The following GAREM1 variants were observed in gnomAD, a reference collection of about 807,000 sequenced individuals.
The protein encoded by GAREM1 is GRB2 associated regulator of MAPK1 subtype 1.
GAREM1 carries 26 observed loss-of-function variants against 71.3 expected under a neutral mutation model. That is an observed-to-expected ratio of 0.36 (90% CI 0.27 to 0.51). GAREM1 has a LOEUF of 0.51. Among genes scored for constraint, GAREM1 ranks in the 20% least tolerant of loss-of-function variants. The probability of loss-of-function intolerance (pLI) is 0.95; values close to 1 mark genes in which losing one functional copy is unlikely to be tolerated. For synonymous variants in GAREM1, 440 were observed against 433.2 expected, an observed-to-expected ratio of 1.02 and a Z score of -0.20; for missense variants, 1,026 against 1,103.1, an observed-to-expected ratio of 0.93 and a Z score of 0.99.
At chr18:32,408,567 TAGTG>T (rs1037574919) in intron 1 of GAREM1, among the ~76,000 whole-genome samples, 34 of 152,246 alleles carry the variant, frequency 2.2e-4, no homozygotes, top group Admixed American at 1.6e-3. Context: ...TGATATCAAA[TAGTG>T]AGTACAACAG....
At chr18:32,465,955 A>G (rs1178362536) in intron 1 of GAREM1, among the ~76,000 whole-genome samples, 1 of 152,196 alleles carries the variant, frequency 6.6e-6, no homozygotes, top group Non-Finnish European at 1.5e-5. Flanking sequence ...TCTAAGATGC[A>G]TTGCCTGAGG....
chr18:32,431,641 T>A (rs2048626073), intron 1 of GAREM1, among the ~76,000 whole-genome samples: 1 of 151,740 alleles, frequency 6.6e-6, no homozygotes, highest in Admixed American at 6.6e-5. Context: ...AATAAACAAA[T>A]AAATAAAGGA....
intron 3 of GAREM1, among the ~76,000 whole-genome samples, chr18:32,298,013 C>T (rs2047160698): frequency 6.6e-6 from 1 of 152,174 alleles, no homozygotes; most frequent in African/African-American, 2.4e-5. Context: ...ATAATGTCCA[C>T]CAGTTTTTGA....
intron 2 of GAREM1, among the ~76,000 whole-genome samples, chr18:32,366,843 G>A (rs150267057): frequency 6.6e-6 from 1 of 152,328 alleles, no homozygotes; most frequent in Non-Finnish European, 1.5e-5. Context: ...AAAAACCAGT[G>A]GGTGGAATTT....
chr18:32,285,615 T>C (rs2047006386), intron 4 of GAREM1, among the ~76,000 whole-genome samples: 3 of 152,236 alleles, frequency 2.0e-5, no homozygotes, highest in Non-Finnish European at 4.4e-5. Context: ...ATAATCTCCA[T>C]GGAGGCTCCT....
rs1456818672 is a variant in GAREM1 at position 32,267,064 on chromosome 18, C to T, written c.*807G>A. ...TTCTGTCCACTATTCCTAAGAGAAT[C>T]AATGTAGATAACAGTCCCAAAACCT... On this transcript the variant is annotated 3_prime_UTR_variant, in exon 6 of 6. Coordinates refer to ENST00000269209, the MANE Select transcript of GAREM1 (RefSeq NM_001242409.2). The T allele has an allele frequency of 6.6e-6, 1 of 152,138 alleles. No individual in the cohort carries two copies. Among genetic ancestry groups the T allele is most frequent in the African/African-American group, 2.4e-5 (1 of 41,410 alleles). 9.4% of individuals were successfully genotyped at this position (152,138 alleles called of 1,614,324 possible).
At chr18:32,289,072 GTTT>G (rs1276570232) in intron 3 of GAREM1, among the ~76,000 whole-genome samples, 1 of 151,990 alleles carries the variant, frequency 6.6e-6, no homozygotes, top group Admixed American at 6.6e-5. Flanking sequence ...GCATATATTT[GTTT>G]TTTTGTTTTG....
intron 2 of GAREM1, among the ~76,000 whole-genome samples, chr18:32,370,161 G>A (rs1015547404): frequency 6.6e-6 from 1 of 151,990 alleles, no homozygotes; most frequent in East Asian, 1.9e-4. Flanking sequence ...GGCCGGGTGC[G>A]GTGGCTCACG....
At chr18:32,378,884 T>A (rs2048066562) in intron 2 of GAREM1, among the ~76,000 whole-genome samples, 1 of 152,192 alleles carries the variant, frequency 6.6e-6, no homozygotes, top group Admixed American at 6.5e-5. Flanking sequence ...TCCCATCTGC[T>A]GCCAAAGGGT....
intron 3 of GAREM1, among the ~76,000 whole-genome samples, chr18:32,309,615 CA>C (rs11370938): frequency 0.026 from 363 of 13,826 alleles, no homozygotes; most frequent in South Asian, 0.083. Flanking sequence ...GACTCAGTCT[CA>C]AAAAAAAAAA....
At chr18:32,394,770 T>A (rs369076625) in intron 1 of GAREM1, among the ~76,000 whole-genome samples, 53 of 152,264 alleles carry the variant, frequency 3.5e-4, no homozygotes, top group African/African-American at 1.2e-3. Flanking sequence ...ATATGCACAG[T>A]AGGCAGGAAT....
intron 2 of GAREM1, among the ~76,000 whole-genome samples, chr18:32,325,527 T>G (rs1461996112): frequency 6.6e-6 from 1 of 152,152 alleles, no homozygotes; most frequent in Non-Finnish European, 1.5e-5. Context: ...AATCTAAAAC[T>G]GCTCTAAAAA....
intron 2 of GAREM1, among the ~76,000 whole-genome samples, chr18:32,345,457 T>C (rs138215911): frequency 1.3e-5 from 2 of 152,208 alleles, no homozygotes; most frequent in Non-Finnish European, 2.9e-5. Flanking sequence ...AACCTTATGA[T>C]ATAAATTAGA....
intron 2 of GAREM1, among the ~76,000 whole-genome samples, chr18:32,338,748 G>A (rs908284400): frequency 6.6e-6 from 1 of 152,200 alleles, no homozygotes; most frequent in Non-Finnish European, 1.5e-5. Context: ...TCCTGGAGCA[G>A]ACAGGGCAGC....
At chr18:32,444,087 A>C (rs2048765594) in intron 1 of GAREM1, among the ~76,000 whole-genome samples, 1 of 152,082 alleles carries the variant, frequency 6.6e-6, no homozygotes, top group South Asian at 2.1e-4. Flanking sequence ...GACAGAAAAT[A>C]AATTGGCAGC....
At chr18:32,332,799 T>C (rs564767650) in intron 2 of GAREM1, among the ~76,000 whole-genome samples, 7 of 152,224 alleles carry the variant, frequency 4.6e-5, no homozygotes, top group Non-Finnish European at 7.4e-5. Context: ...ATGGAACCTG[T>C]TGTTTCTAAG....
At chr18:32,297,220 C>T (rs1388399542) in intron 3 of GAREM1, among the ~76,000 whole-genome samples, 1 of 152,116 alleles carries the variant, frequency 6.6e-6, no homozygotes, top group Non-Finnish European at 1.5e-5. Context: ...AGAACCATGG[C>T]CTTTGGAAAC....
At chr18:32,295,962 TC>T (rs2047135065) in intron 3 of GAREM1, among the ~76,000 whole-genome samples, 1 of 145,732 alleles carries the variant, frequency 6.9e-6, no homozygotes, top group African/African-American at 2.5e-5. Context: ...TTTAGCTTTT[TC>T]TTTTTTTTTT....
chr18:32,367,967 C>T (rs564996787), intron 2 of GAREM1, among the ~76,000 whole-genome samples: 9 of 152,278 alleles, frequency 5.9e-5, no homozygotes, highest in Non-Finnish European at 1.2e-4. Flanking sequence ...AAACTAAGAT[C>T]CTCAGGCAAA....
Sources: allele counts gnomAD v4.1 joint callset (sites outside exome capture counted in the v4.1 genomes callset), GRCh38; gene constraint gnomAD v4.1.1; transcripts MANE v1.5; gene names NCBI Gene and HGNC (gene_info 2026-07-23, HGNC 2026-07-21).